The following RUNX3 variants were observed in gnomAD, a reference collection of about 807,000 sequenced individuals.
RUNX3 encodes RUNX family transcription factor 3.
RUNX3 carries 10 observed loss-of-function variants against 27.7 expected under a neutral mutation model. The observed-to-expected ratio is 0.36, with a 90% confidence interval of 0.22 to 0.61. The LOEUF is 0.61. Ranked by LOEUF, RUNX3 falls within the 20% of genes least tolerant of loss-of-function variation. The probability of loss-of-function intolerance (pLI) is 0.72; values close to 1 mark genes in which losing one functional copy is unlikely to be tolerated. For missense variants in RUNX3, 469 were observed against 629.5 expected (o/e 0.75, Z 2.73); for synonymous variants, 270 against 269.2 (o/e 1.00, Z -0.03).
Position 24,947,565 on chromosome 1 carries a change from G to A in RUNX3, c.58+16949C>T, listed in dbSNP as rs1462764627. Among the ~76,000 whole-genome samples, 3 of 152,202 alleles carry A rather than the reference G, an allele frequency of 2.0e-5. No individual in the cohort carries two copies. The East Asian group carries it at 5.8e-4, about 29-fold the overall frequency. On this transcript the variant is annotated intron_variant, in intron 2 of 6. Transcript: ENST00000338888. ...TGGGCAGGCCTTTGACCAAGGCTGA[G>A]CTAGGAGGGACCTGACGGCCCCAGA...
intron 3 of RUNX3, among the ~76,000 whole-genome samples, chr1:24,914,506 G>A (rs540982926): frequency 2.6e-5 from 4 of 152,340 alleles, no homozygotes; most frequent in East Asian, 3.9e-4. Context: ...GATGAAAGCC[G>A]GGTCGGTGGC....
chr1:24,949,375 C>A (rs1268033326), intron 2 of RUNX3, among the ~76,000 whole-genome samples: 14 of 152,316 alleles, frequency 9.2e-5, no homozygotes, highest in African/African-American at 3.4e-4. Context: ...GCCCCGCCCC[C>A]CGTGAGCAGA....
In RUNX3 at chr1:24,919,755, C is replaced by G. The variant is rs556781066; in HGVS notation, c.440-411G>C. Reference sequence around the variant, plus strand: ...ATATAAATAAAGAAGAAAAGACACCCCCCCCCCACGGTTCCACTAGCTGGA... The same window carrying G: ...ATATAAATAAAGAAGAAAAGACACCGCCCCCCCACGGTTCCACTAGCTGGA... On this transcript the variant is annotated intron_variant, in intron 2 of 4. Transcript: ENST00000308873. Among the ~76,000 whole-genome samples the G allele has an allele frequency of 3.3e-5, 5 of 151,580 alleles. No individual in the cohort carries two copies. The East Asian group carries it at 9.7e-4, about 29-fold the overall frequency.
In RUNX3 at chr1:24,964,856, T is replaced by TC. The variant is rs1642218533; in HGVS notation, c.-119dup. 9.4e-6 allele frequency: 6 copies of TC among 635,344 alleles called. No homozygotes were observed. In the Admixed American group the frequency reaches 2.0e-4, roughly 21 times the overall value. The allele number at this position is 635,344 out of a possible 1,614,324, so 39.4% of individuals were successfully genotyped here. A position where few individuals can be genotyped will look rare whatever the true frequency, so the allele number is the denominator to read the frequency against. On this transcript the variant is annotated 5_prime_UTR_variant, in exon 1 of 7. Coordinates refer to the RUNX3 transcript ENST00000338888. ...TGTACCCAAGAATTTGGATTCCCGG[T>TC]CCCACAGGAATGTCTAGCCACAAAT...
chr1:24,927,432 A>G lies in RUNX3; in HGVS notation c.439+142T>C. The G allele has an allele frequency of 1.3e-6, 1 of 756,202 alleles. No homozygotes were observed. Among genetic ancestry groups the G allele is most frequent in the South Asian group, 1.7e-5 (1 of 59,714 alleles). The allele number at this position is 756,202 out of a possible 1,614,324, so 46.8% of individuals were successfully genotyped here. On this transcript the variant is annotated intron_variant, in intron 2 of 4. Coordinates refer to ENST00000308873, the MANE Select transcript of RUNX3 (RefSeq NM_004350.3). This position sits in a 1 kb window ranked among gnomAD's most constrained non-coding sequence, Gnocchi z 5.0. ...TCCTCAAAGCGATCTGTAATATCCT[A>G]CAGGATTACAAATTGCTGTTTTTAG... is the stretch of plus-strand genomic sequence containing the variant.
chr1:24,934,144 A>C (rs1161599034), upstream of RUNX3, among the ~76,000 whole-genome samples: 2 of 152,184 alleles, frequency 1.3e-5, no homozygotes, highest in East Asian at 1.9e-4. Context: ...AATGCTGCTG[A>C]GTAAACTAGG....
chr1:24,933,455 ACC>A (rs1416591088), upstream of RUNX3, among the ~76,000 whole-genome samples: 1 of 151,682 alleles, frequency 6.6e-6, no homozygotes, highest in African/African-American at 2.4e-5. Context: ...CCTTTGACCC[ACC>A]CCTCCTCTCT....
chr1:24,927,612 C>A lies in RUNX3; in HGVS notation c.401G>T (p.Arg134Met). The change falls in exon 2 of 5, where the codon AGG (arginine) becomes ATG (methionine). Residue 134 changes from arginine (R) to methionine (M), a missense_variant. Physicochemically the swap from Arg to Met is moderately conservative, Grantham distance 91 (BLOSUM62 -1). Transcript: ENST00000308873. This position sits in a 1 kb window ranked among gnomAD's most constrained non-coding sequence, Gnocchi z 5.0. The stretch of plus-strand genomic sequence containing the variant: ...GCCCACGAAGCGAAGGTCGTTGAAC[C>A]TGGCCACCTGGTTCTTCATGACGGC... The part of the protein sequence containing the change: ...ASAVMKNQVA[R>M]FNDLRFVGRS... 6.2e-7 allele frequency: 1 copy of A among 1,614,204 alleles called. No homozygotes were observed. Among genetic ancestry groups the A allele is most frequent in the Non-Finnish European group, 8.5e-7 (1 of 1,180,046 alleles).
At position 24,902,784 on chromosome 1, in the gene RUNX3, C is replaced by T. The variant is rs1640586346; in HGVS notation, c.704-118G>A. ...CATCTGGGGGACCCCTAGTTCTAGA[C>T]CTGGCTCTCCTCTTCCTGCCCTAGG... On this transcript the variant is annotated intron_variant, in intron 4 of 4. Coordinates refer to ENST00000308873, the MANE Select transcript of RUNX3 (RefSeq NM_004350.3). This position sits in a 1 kb window ranked among gnomAD's most constrained non-coding sequence, Gnocchi z 9.2. 1.2e-6 allele frequency: 1 copy of T among 856,550 alleles called. No homozygotes were observed. The highest frequency in any genetic ancestry group is 3.2e-5 in the Admixed American group (1 of 31,324). 53.1% of individuals were successfully genotyped at this position (856,550 alleles called of 1,614,324 possible). A position where few individuals can be genotyped will look rare whatever the true frequency, so the allele number is the denominator to read the frequency against.
At position 24,901,577 on chromosome 1, in the gene RUNX3, G is replaced by A. The variant is rs1286708264; in HGVS notation, c.*545C>T. On this transcript the variant is annotated 3_prime_UTR_variant, in exon 5 of 5. Transcript: ENST00000308873. ...CTGGGTCCTGCCCCATCTGTACAATGAGGGGAACCCCGCTCGAGGGTGGTG... is the reference window on the plus strand; with the variant it reads ...CTGGGTCCTGCCCCATCTGTACAATAAGGGGAACCCCGCTCGAGGGTGGTG... 6.4e-6 allele frequency: 1 copy of A among 155,158 alleles called. No individual in the cohort carries two copies. The highest frequency in any genetic ancestry group is 1.4e-5 in the Non-Finnish European group (1 of 69,872). 9.6% of individuals were successfully genotyped at this position (155,158 alleles called of 1,614,324 possible).
At chr1:24,944,220 C>T (rs1056628401) in intron 2 of RUNX3, among the ~76,000 whole-genome samples, 1 of 152,108 alleles carries the variant, frequency 6.6e-6, no homozygotes, top group East Asian at 1.9e-4. Flanking sequence ...TGACCTGCCA[C>T]CCTCCACCTC....
At chr1:24,922,974 T>C (rs892743296) in intron 2 of RUNX3, among the ~76,000 whole-genome samples, 1 of 152,122 alleles carries the variant, frequency 6.6e-6, no homozygotes, top group African/African-American at 2.4e-5. Context: ...GTTTTTGTCT[T>C]GTTCATGCAG....
In RUNX3 at chr1:24,901,844, C is replaced by T; in HGVS notation, c.*278G>A. On this transcript the variant is annotated 3_prime_UTR_variant, in exon 5 of 5. Coordinates refer to ENST00000308873, the MANE Select transcript of RUNX3 (RefSeq NM_004350.3). ...CAGTGAGGTCCTTCCGGGGGGGTGGCAGGAGGCTGATTCCCCACAGAAGTA... is the reference window on the plus strand; with the variant it reads ...CAGTGAGGTCCTTCCGGGGGGGTGGTAGGAGGCTGATTCCCCACAGAAGTA... 1 of 451,428 alleles carries T rather than the reference C, an allele frequency of 2.2e-6. No homozygotes were observed. The highest frequency in any genetic ancestry group is 4.0e-6 in the Non-Finnish European group (1 of 252,622). 28.0% of individuals were successfully genotyped at this position (451,428 alleles called of 1,614,324 possible). A position where few individuals can be genotyped will look rare whatever the true frequency, so the allele number is the denominator to read the frequency against.
chr1:24,907,916 T>TGTGATGTAAACCTCTACAACACGCG (rs1640702364), intron 3 of RUNX3, among the ~76,000 whole-genome samples: 1 of 125,542 alleles, frequency 8.0e-6, no homozygotes, highest in Non-Finnish European at 1.7e-5. Flanking sequence ...TACAACACAC[T>TGTGATGTAAACCTCTACAACACGCG]GTGATGTAAA....
At chr1:24,903,448 A>T (rs2124240629) in intron 4 of RUNX3, among the ~76,000 whole-genome samples, 1 of 152,158 alleles carries the variant, frequency 6.6e-6, no homozygotes, top group Non-Finnish European at 1.5e-5. Context: ...GGGGACCCAG[A>T]CCCCAACCTG....
intron 4 of RUNX3, among the ~76,000 whole-genome samples, chr1:24,905,851 CA>C (rs1214971700): frequency 2.0e-5 from 3 of 152,244 alleles, no homozygotes; most frequent in African/African-American, 7.2e-5. Flanking sequence ...AGCTACGCGG[CA>C]GGGGTGGGCG....
chr1:24,946,906 A>C (rs767302473), intron 2 of RUNX3, among the ~76,000 whole-genome samples: 4 of 152,210 alleles, frequency 2.6e-5, no homozygotes, highest in Non-Finnish European at 5.9e-5. Flanking sequence ...CCAACGCTGA[A>C]AATACCCATT....
In RUNX3 at chr1:24,923,822, C is replaced by T. The variant is rs77124999; in HGVS notation, c.439+3752G>A. ...GGCACACTGCACCCCGAATCTCTGT[C>T]GACACACAGTTGCTTTTTAACCAGT... On this transcript the variant is annotated intron_variant, in intron 2 of 4. Transcript: ENST00000308873. This position sits in a 1 kb window ranked among gnomAD's most constrained non-coding sequence, Gnocchi z 5.9. Among the ~76,000 whole-genome samples the T allele has an allele frequency of 9.3e-3, 1,409 of 152,256 alleles. 33 individuals carry two copies. Among genetic ancestry groups the T allele is most frequent in the African/African-American group, 0.032 (1,313 of 41,534 alleles).
At chr1:24,953,562 A>G (rs1053378077) in intron 2 of RUNX3, among the ~76,000 whole-genome samples, 1 of 152,216 alleles carries the variant, frequency 6.6e-6, no homozygotes, top group African/African-American at 2.4e-5. Context: ...CTCGGGATTC[A>G]CGTGCCCCTG....
Sources: gnomAD v4.1 joint callset for allele counts (sites outside exome capture counted in the v4.1 genomes callset) on GRCh38, gnomAD v4.1.1 for gene constraint, Gnocchi (gnomAD v3.1) non-coding constraint, MANE v1.5 for transcripts, NCBI Gene and HGNC (gene_info 2026-07-23, HGNC 2026-07-21) for gene names.